PDE7B: variants seen among roughly 807,000 people sequenced by gnomAD.
PDE7B encodes 3',5'-cyclic-AMP phosphodiesterase 7B.
In PDE7B, 29 loss-of-function variants were observed where a neutral mutation model predicts 56.2. The observed-to-expected ratio is 0.52, with a 90% CI of 0.38 to 0.70. The LOEUF is 0.70. PDE7B is among the 30% of genes least tolerant of loss of function. The pLI, the probability that PDE7B is intolerant of heterozygous loss-of-function variation, is 0.00. For missense variants in PDE7B, 490 were observed against 565.0 expected (o/e 0.87, Z 1.35); for synonymous variants, 197 against 196.9 (o/e 1.00, Z 0.00).
intron 2 of PDE7B, among the ~76,000 whole-genome samples, chr6:136,050,377 C>T (rs1306747818): frequency 4.7e-5 from 7 of 148,668 alleles, no homozygotes; most frequent in Admixed American, 4.7e-4. Flanking sequence ...ACATTGCCTG[C>T]AATGTACTAA....
intron 1 of PDE7B, among the ~76,000 whole-genome samples, chr6:135,855,305 G>A (rs1775005162): frequency 6.6e-6 from 1 of 152,146 alleles, no homozygotes; most frequent in East Asian, 1.9e-4. Flanking sequence ...GGCTGTGCCT[G>A]TGAATAAGCA....
Position 136,045,761 on chromosome 6 carries a change from T to C in PDE7B, c.83-62970T>C, listed in dbSNP as rs147317951. ...AGTTGCATGAATGTGGTAGTAGAAATTGAAAGGTACAGGAGCCAGAAAATT... is the reference window on the plus strand; with the variant it reads ...AGTTGCATGAATGTGGTAGTAGAAACTGAAAGGTACAGGAGCCAGAAAATT... On this transcript the variant is annotated intron_variant, in intron 2 of 12. Coordinates refer to ENST00000308191, the MANE Select transcript of PDE7B (RefSeq NM_018945.4). 1.3e-4 allele frequency among the ~76,000 whole-genome samples: 20 copies of C among 151,926 alleles called. No individual in the cohort carries two copies. The East Asian group carries it at 3.9e-3, about 30-fold the overall frequency.
rs562423446 is a variant in PDE7B, at chr6:135,873,278, T to C, written c.21+21259T>C. On this transcript the variant is annotated intron_variant, in intron 1 of 12. Transcript: ENST00000308191. ...AACCATTCACAAACACAAAATGACA[T>C]GACAGACACAAATATCTATGAATGG... is the stretch of plus-strand genomic sequence containing the variant. 1.7e-3 allele frequency among the ~76,000 whole-genome samples: 266 copies of C among 152,296 alleles called. 2 individuals are homozygous for C. Among genetic ancestry groups the C allele is most frequent in the African/African-American group, 6.1e-3 (252 of 41,580 alleles).
At chr6:136,071,499 T>C (rs1777049581) in intron 2 of PDE7B, among the ~76,000 whole-genome samples, 1 of 152,192 alleles carries the variant, frequency 6.6e-6, no homozygotes, top group South Asian at 2.1e-4. Context: ...AGTTTAATTC[T>C]GAAGTATTGA....
intron 2 of PDE7B, chr6:136,038,211 G>A (rs1369858288): frequency 1.5e-6 from 2 of 1,300,052 alleles, no homozygotes. Context: ...AGCAGAAGCA[G>A]AAACAGCAGC....
chr6:136,113,269 CCATA>C (rs1349339351), intron 3 of PDE7B, among the ~76,000 whole-genome samples: 1 of 151,972 alleles, frequency 6.6e-6, no homozygotes, highest in Non-Finnish European at 1.5e-5. Flanking sequence ...ATGTTGTATA[CCATA>C]AATATGTACA....
intron 8 of PDE7B, among the ~76,000 whole-genome samples, chr6:136,158,353 T>C (rs560165461): frequency 9.2e-5 from 14 of 152,298 alleles, no homozygotes; most frequent in Middle Eastern, 3.4e-3. Context: ...AAAAAATATA[T>C]GTACATATAC....
intron 2 of PDE7B, among the ~76,000 whole-genome samples, chr6:135,963,332 C>T (rs1774940081): frequency 6.6e-6 from 1 of 152,068 alleles, no homozygotes; most frequent in African/African-American, 2.4e-5. Context: ...CAAATTGGAC[C>T]CAAAAGGCAT....
At chr6:135,879,826 A>G (rs923072764) in intron 1 of PDE7B, among the ~76,000 whole-genome samples, 1 of 152,214 alleles carries the variant, frequency 6.6e-6, no homozygotes, top group Non-Finnish European at 1.5e-5. Context: ...ACAAGTATTC[A>G]TACTAACTCC....
chr6:136,040,601 A>G (rs1776397525), intron 2 of PDE7B, among the ~76,000 whole-genome samples: 1 of 152,116 alleles, frequency 6.6e-6, no homozygotes, highest in Admixed American at 6.5e-5. Context: ...TTGTTTTTAG[A>G]AAGTGGTGAT....
chr6:136,009,461 T>C (rs4896196), intron 2 of PDE7B, among the ~76,000 whole-genome samples: 71,963 of 151,406 alleles, frequency 0.48, 17,785 homozygotes, highest in African/African-American at 0.61. Context: ...TTCTTCCTAC[T>C]CATGAGCATG....
chr6:135,879,073 G>A (rs1775556092), intron 1 of PDE7B, among the ~76,000 whole-genome samples: 1 of 151,630 alleles, frequency 6.6e-6, no homozygotes, highest in Admixed American at 6.6e-5. Flanking sequence ...TGACTTCATG[G>A]TTTCTCATTT....
At chr6:135,878,867 T>A (rs760999942) in intron 1 of PDE7B, among the ~76,000 whole-genome samples, 1 of 152,218 alleles carries the variant, frequency 6.6e-6, no homozygotes, top group Non-Finnish European at 1.5e-5. Context: ...TTCCTGACAA[T>A]TGATATTCAC....
intron 2 of PDE7B, among the ~76,000 whole-genome samples, chr6:136,020,474 G>A (rs1048247443): frequency 6.6e-6 from 1 of 151,904 alleles, no homozygotes; most frequent in African/African-American, 2.4e-5. Context: ...ATATAATATA[G>A]CCTTTAAATA....
intron 2 of PDE7B, among the ~76,000 whole-genome samples, chr6:135,973,324 G>C (rs1213779526): frequency 1.3e-5 from 2 of 152,076 alleles, no homozygotes. Context: ...TTTGAAGGCA[G>C]AATAGTATTC....
intron 3 of PDE7B, among the ~76,000 whole-genome samples, chr6:136,130,197 G>T (rs573769796): frequency 1.3e-5 from 2 of 152,236 alleles, no homozygotes; most frequent in South Asian, 4.2e-4. Flanking sequence ...CTCATAGAGC[G>T]CAACTCTCAA....
At chr6:135,872,327 CA>C (rs1179437144) in intron 1 of PDE7B, among the ~76,000 whole-genome samples, 7 of 152,144 alleles carry the variant, frequency 4.6e-5, no homozygotes, top group Admixed American at 2.6e-4. Context: ...ATAATTTTAT[CA>C]ATGACTTACC....
At chr6:136,050,600 G>A (rs988788953) in intron 2 of PDE7B, among the ~76,000 whole-genome samples, 5 of 152,100 alleles carry the variant, frequency 3.3e-5, no homozygotes, top group African/African-American at 1.2e-4. Context: ...TTCAAGCAGG[G>A]CCAGTGTAAG....
chr6:136,117,911 A>AG (rs11369156), intron 3 of PDE7B, among the ~76,000 whole-genome samples: 18,409 of 152,206 alleles, frequency 0.12, 3,526 homozygotes, highest in African/African-American at 0.4. Context: ...TCATCAATAG[A>AG]GGAGCCCACA....
Sources: allele counts gnomAD v4.1 joint callset (sites outside exome capture counted in the v4.1 genomes callset), GRCh38; gene constraint gnomAD v4.1.1; transcripts MANE v1.5; gene names NCBI Gene and HGNC (gene_info 2026-07-23, HGNC 2026-07-21).